ANTXR2: variants seen among roughly 807,000 people sequenced by gnomAD.
ANTXR2 encodes the protein ANTXR cell adhesion molecule 2, also known as anthrax toxin receptor 2.
In ANTXR2, 44 loss-of-function variants were observed where a neutral mutation model predicts 73.7. That is an observed-to-expected ratio of 0.60 (90% CI 0.47 to 0.77). The LOEUF is 0.77. Ranked by LOEUF, ANTXR2 falls within the 30% of genes least tolerant of loss-of-function variation. The pLI, the probability that ANTXR2 is intolerant of heterozygous loss-of-function variation, is 0.00. For missense variants in ANTXR2, 604 were observed against 592.5 expected, an observed-to-expected ratio of 1.02 and a Z score of -0.20; for synonymous variants, 217 against 205.9, an observed-to-expected ratio of 1.05 and a Z score of -0.46.
chr4:80,044,841 A>G (rs1733440957), intron 7 of ANTXR2, among the ~76,000 whole-genome samples: 1 of 151,934 alleles, frequency 6.6e-6, no homozygotes, highest in South Asian at 2.1e-4. Flanking sequence ...AAAAGTATAT[A>G]GCGCAATATC....
rs1194177349 is a variant in ANTXR2, at chr4:80,072,934, C to T, written c.-374G>A. The stretch of plus-strand genomic sequence containing the variant: ...GAGCCTCCAGCGCCCGCCTCGGACC[C>T]GGACCTGGAACCCACCCCGCCTGGA... On this transcript the variant is annotated 5_prime_UTR_variant, in exon 1 of 17. Transcript: ENST00000403729. The T allele has an allele frequency of 5.0e-6, 1 of 198,950 alleles. No homozygotes were observed. The highest frequency in any genetic ancestry group is 9.8e-6 in the Non-Finnish European group (1 of 101,982). 12.3% of individuals were successfully genotyped at this position (198,950 alleles called of 1,614,324 possible).
At chr4:79,930,655 TCTC>T (rs1728021502) in intron 16 of ANTXR2, among the ~76,000 whole-genome samples, 1 of 152,128 alleles carries the variant, frequency 6.6e-6, no homozygotes, top group South Asian at 2.1e-4. Context: ...CCTCTCATTC[TCTC>T]CTTCTTTTCC....
At chr4:79,999,212 T>A (rs1730892731) in intron 12 of ANTXR2, among the ~76,000 whole-genome samples, 1 of 151,880 alleles carries the variant, frequency 6.6e-6, no homozygotes, top group African/African-American at 2.4e-5. Flanking sequence ...ATCCCCATAA[T>A]CCCCACGTGT....
intron 7 of ANTXR2, among the ~76,000 whole-genome samples, chr4:80,041,283 C>T (rs920483395): frequency 6.6e-6 from 1 of 152,004 alleles, no homozygotes; most frequent in African/African-American, 2.4e-5. Context: ...GATAATCTAA[C>T]CATTACAAAA....
chr4:80,036,642 A>G (rs1732982039), intron 7 of ANTXR2, among the ~76,000 whole-genome samples: 4 of 152,066 alleles, frequency 2.6e-5, no homozygotes, highest in Admixed American at 1.3e-4. Flanking sequence ...TCTACTAAAA[A>G]TACAAAAAAT....
At position 80,018,927 on chromosome 4, in the gene ANTXR2, C is replaced by T; in HGVS notation, c.916G>A (p.Gly306Arg). ...SFNGGKSVIS[G>R]SLIVTATECS... ...TCTGTGGCTGTGACAATTAATGATCCTGAAATGACAGATTTTCCTCCATTA... is the reference window on the plus strand; with the variant it reads ...TCTGTGGCTGTGACAATTAATGATCTTGAAATGACAGATTTTCCTCCATTA... The change falls in exon 11 of 17, where the codon GGA becomes AGA. Residue 306 changes from glycine to arginine, a missense_variant. Coordinates refer to ENST00000403729, the MANE Select transcript of ANTXR2 (RefSeq NM_058172.6). The T allele has an allele frequency of 6.6e-7, 1 of 1,518,916 alleles. No individual in the cohort carries two copies. Among genetic ancestry groups the T allele is most frequent in the African/African-American group, 1.4e-5 (1 of 70,830 alleles). The allele number at this position is 1,518,916 out of a possible 1,614,324, so 94.1% of individuals were successfully genotyped here.
chr4:80,072,489 G>C lies in ANTXR2; in HGVS notation c.72C>G (p.Leu24=), dbSNP rs771469462. ...CGCGCAGCAGCCCCCCGGGACCGCT[G>C]AGCACCAACAGCCACAGCCCGGGGA... ...WLFPGLWLLV[L]SGPGGLLRAQ... Residue 24 remains leucine, a synonymous_variant, in exon 1 of 17, where the codon CTC becomes CTG. Coordinates refer to ENST00000403729, the MANE Select transcript of ANTXR2 (RefSeq NM_058172.6). 1.2e-6 allele frequency: 2 copies of C among 1,609,420 alleles called. No individual in the cohort carries two copies. The highest frequency in any genetic ancestry group is 1.7e-6 in the Non-Finnish European group (2 of 1,178,324).
At chr4:80,033,399 GA>G (rs1732789560) in intron 9 of ANTXR2, 72 bp downstream of exon 9, 6 of 1,201,406 alleles carry the variant, frequency 5.0e-6, no homozygotes, top group Admixed American at 2.8e-5. Context: ...TTTCGTTGGA[GA>G]AAAAAAGAAA....
intron 2 of ANTXR2, among the ~76,000 whole-genome samples, chr4:80,070,538 T>C (rs975407771): frequency 2.0e-5 from 3 of 152,238 alleles, no homozygotes; most frequent in African/African-American, 7.2e-5. Flanking sequence ...TTTTCTTTCC[T>C]AGACAGTTTT....
intron 12 of ANTXR2, among the ~76,000 whole-genome samples, chr4:79,999,071 T>C (rs947985878): frequency 1.2e-4 from 18 of 152,068 alleles, no homozygotes; most frequent in African/African-American, 2.4e-4. Flanking sequence ...AATTTAAAAA[T>C]AGTCTCTTAT....
At chr4:80,045,683 G>A (rs1008937442) in intron 7 of ANTXR2, among the ~76,000 whole-genome samples, 1 of 151,148 alleles carries the variant, frequency 6.6e-6, no homozygotes, top group African/African-American at 2.4e-5. Context: ...TATATGAAAA[G>A]TATTAGTTTT....
intron 16 of ANTXR2, among the ~76,000 whole-genome samples, chr4:79,931,013 G>A (rs1252629116): frequency 6.6e-6 from 1 of 152,038 alleles, no homozygotes; most frequent in Non-Finnish European, 1.5e-5. Context: ...GTTGAATATA[G>A]CCATAATTTT....
At chr4:80,068,476 C>G (rs17509725) in intron 3 of ANTXR2, among the ~76,000 whole-genome samples, 2 of 151,982 alleles carry the variant, frequency 1.3e-5, no homozygotes, top group Non-Finnish European at 2.9e-5. Flanking sequence ...TTCTTTAAAA[C>G]ATGTCAGTGA....
chr4:79,951,949 A>G (rs1728723247), intron 16 of ANTXR2, among the ~76,000 whole-genome samples: 2 of 152,072 alleles, frequency 1.3e-5, no homozygotes, highest in South Asian at 4.1e-4. Context: ...GTATATGTGG[A>G]TTGTTGCCCT....
chr4:79,974,662 G>A (rs1435823597), intron 16 of ANTXR2, among the ~76,000 whole-genome samples: 1 of 151,420 alleles, frequency 6.6e-6, no homozygotes, highest in Non-Finnish European at 1.5e-5. Context: ...TTGATAAATA[G>A]ATTATATCAT....
chr4:79,982,409 T>C (rs1313964571), intron 14 of ANTXR2, among the ~76,000 whole-genome samples: 1 of 152,158 alleles, frequency 6.6e-6, no homozygotes, highest in Admixed American at 6.5e-5. Context: ...CATTTTGGAA[T>C]GAGATGAAAT....
At chr4:80,026,210 C>T (rs1732431305) in intron 10 of ANTXR2, among the ~76,000 whole-genome samples, 1 of 152,130 alleles carries the variant, frequency 6.6e-6, no homozygotes, top group African/African-American at 2.4e-5. Flanking sequence ...TTCCCCCATC[C>T]TGTTCTCATG....
At chr4:79,947,944 T>C (rs564964416) in intron 16 of ANTXR2, among the ~76,000 whole-genome samples, 1 of 152,170 alleles carries the variant, frequency 6.6e-6, no homozygotes, top group South Asian at 2.1e-4. Flanking sequence ...TAATTTTAGC[T>C]TCATAGAAAT....
chr4:80,011,105 C>T (rs1228126463), intron 11 of ANTXR2, among the ~76,000 whole-genome samples: 2 of 151,776 alleles, frequency 1.3e-5, no homozygotes, highest in African/African-American at 2.4e-5. Context: ...CAAGATCATG[C>T]CACGCACTCC....
Sources: allele counts gnomAD v4.1 joint callset (sites outside exome capture counted in the v4.1 genomes callset), GRCh38; gene constraint gnomAD v4.1.1; transcripts MANE v1.5; gene names NCBI Gene and HGNC (gene_info 2026-07-23, HGNC 2026-07-21).